DPY19L4: variants seen among roughly 807,000 people sequenced by gnomAD.
The protein encoded by DPY19L4 is probable C-mannosyltransferase DPY19L4.
Under a neutral mutation model 102.8 loss-of-function variants are expected in DPY19L4, and 97 were observed. That is an observed-to-expected ratio of 0.94 (90% CI 0.80 to 1.12). The LOEUF is 1.12. Among genes scored for constraint, DPY19L4 ranks in the 50% most tolerant of loss-of-function variants. The pLI is 0.00. For missense variants in DPY19L4, 815 were observed against 850.4 expected, an observed-to-expected ratio of 0.96 and a Z score of 0.52; for synonymous variants, 252 against 283.1, an observed-to-expected ratio of 0.89 and a Z score of 1.10.
chr8:94,744,530 T>C (rs751805087), intron 6 of DPY19L4: 3 of 456,694 alleles, frequency 6.6e-6, no homozygotes, highest in South Asian at 3.1e-5. Context: ...ACACAGGATA[T>C]TAATACCAGG....
intron 2 of DPY19L4, among the ~76,000 whole-genome samples, chr8:94,729,475 T>C (rs1810841244): frequency 6.6e-6 from 1 of 151,280 alleles, no homozygotes; most frequent in Non-Finnish European, 1.5e-5. Context: ...GGTGTGCCCC[T>C]GTAGTCCCAG....
intron 6 of DPY19L4, among the ~76,000 whole-genome samples, chr8:94,753,375 G>A (rs1266945785): frequency 1.3e-5 from 2 of 152,134 alleles, no homozygotes. Flanking sequence ...ATAGGGCAAC[G>A]GAGATCCTTG....
chr8:94,764,689 G>GTATATATA (rs1189470959), intron 8 of DPY19L4, among the ~76,000 whole-genome samples: 33 of 43,212 alleles, frequency 7.6e-4, no homozygotes, highest in Non-Finnish European at 9.9e-4. Flanking sequence ...GTCTGTGTGT[G>GTATATATA]TATATATATA....
chr8:94,765,253 C>G lies in DPY19L4; in HGVS notation c.941C>G (p.Ala314Gly), dbSNP rs977914403. The G allele has an allele frequency of 6.2e-7, 1 of 1,609,948 alleles. No individual in the cohort carries two copies. The highest frequency in any genetic ancestry group is 8.5e-7 in the Non-Finnish European group (1 of 1,178,966). Residue 314 changes from alanine (A) to glycine (G), a missense_variant, in exon 9 of 19, where the codon GCT becomes GGT. By Grantham distance (60) the Ala-to-Gly change is moderately conservative (BLOSUM62 0). Transcript: ENST00000414645. ...LGYLLQFENP[A>G]LLVSPLLSLV... ...TATTTACTACAGTTTGAGAATCCAG[C>G]TTTGTTGGTATCTCCTTTATTAAGT...
At chr8:94,779,110 A>G (rs1453748190) in intron 14 of DPY19L4, among the ~76,000 whole-genome samples, 1 of 152,068 alleles carries the variant, frequency 6.6e-6, no homozygotes, top group Admixed American at 6.6e-5. Context: ...AGGAGGCCAG[A>G]GTGGCTAGAA....
intron 15 of DPY19L4, 111 bp downstream of exon 15, chr8:94,780,526 A>G (rs1022140454): frequency 7.3e-6 from 5 of 683,052 alleles, no homozygotes; most frequent in Non-Finnish European, 6.3e-6. Flanking sequence ...AACAAAATAA[A>G]ATGTAACATT....
At chr8:94,733,728 G>T (rs752053544) in intron 2 of DPY19L4, among the ~76,000 whole-genome samples, 5 of 151,792 alleles carry the variant, frequency 3.3e-5, no homozygotes, top group Admixed American at 6.6e-5. Context: ...TTTTAGTACA[G>T]ACAGGGTTTC....
chr8:94,768,353 A>C, intron 11 of DPY19L4, 42 bp from the exon 12 acceptor site: 4 of 1,501,780 alleles, frequency 2.7e-6, no homozygotes, highest in Non-Finnish European at 3.6e-6. Context: ...GTTCAGTTTA[A>C]AACGTCTATG....
chr8:94,759,528 C>T (rs572060604), intron 7 of DPY19L4, among the ~76,000 whole-genome samples: 9 of 71,736 alleles, frequency 1.3e-4, no homozygotes, highest in East Asian at 7.2e-4. Context: ...TTTTTTGAGA[C>T]GGAGTTTTGC....
chr8:94,750,443 A>T (rs6990721), intron 6 of DPY19L4, among the ~76,000 whole-genome samples: 1 of 152,160 alleles, frequency 6.6e-6, no homozygotes, highest in African/African-American at 2.4e-5. Flanking sequence ...ATTAGAAAAG[A>T]GCTAAGATTT....
At chr8:94,761,959 G>C in intron 8 of DPY19L4, 125 bp downstream of exon 8, 1 of 988,802 alleles carries the variant, frequency 1.0e-6, no homozygotes, top group South Asian at 3.2e-5. Context: ...CAATATTTAA[G>C]TTATTTGGAC....
At chr8:94,763,072 C>T (rs1812465824) in intron 8 of DPY19L4, among the ~76,000 whole-genome samples, 1 of 151,536 alleles carries the variant, frequency 6.6e-6, no homozygotes, top group South Asian at 2.1e-4. Context: ...CCTTAGCCTC[C>T]CGAGTAGCTG....
At chr8:94,721,679 A>G (rs573025246) in intron 1 of DPY19L4, among the ~76,000 whole-genome samples, 2 of 152,392 alleles carry the variant, frequency 1.3e-5, no homozygotes, top group Non-Finnish European at 2.9e-5. Flanking sequence ...TTAAAAAATC[A>G]GTACTACAAT....
intron 13 of DPY19L4, among the ~76,000 whole-genome samples, chr8:94,774,833 C>T (rs1175618867): frequency 2.6e-5 from 4 of 151,820 alleles, no homozygotes; most frequent in Non-Finnish European, 5.9e-5. Flanking sequence ...CGCCTCGGCC[C>T]CCCAAAGTGC....
chr8:94,752,685 G>C (rs1379757579), intron 6 of DPY19L4, among the ~76,000 whole-genome samples: 2 of 139,712 alleles, frequency 1.4e-5, no homozygotes, highest in Admixed American at 1.5e-4. Flanking sequence ...TTTTTTGTGT[G>C]ATGGAGTCTC....
At chr8:94,725,465 G>C (rs1810645888) in intron 1 of DPY19L4, among the ~76,000 whole-genome samples, 1 of 152,100 alleles carries the variant, frequency 6.6e-6, no homozygotes, top group African/African-American at 2.4e-5. Flanking sequence ...GTCTAATCCT[G>C]GGAAATTATT....
In DPY19L4 at chr8:94,790,078, G is replaced by A; in HGVS notation, c.*168G>A. 5.0e-6 allele frequency: 3 copies of A among 598,844 alleles called. No homozygotes were observed. The South Asian group carries it at 7.3e-5, about 14-fold the overall frequency. The allele number at this position is 598,844 out of a possible 1,614,324, so 37.1% of individuals were successfully genotyped here. ...AGTTCTGTGGGAAATAGAAGATCAA[G>A]CATTACTGTCCTTTGATTAAATGTG... On this transcript the variant is annotated 3_prime_UTR_variant, in exon 19 of 19. Coordinates refer to ENST00000414645, the MANE Select transcript of DPY19L4 (RefSeq NM_181787.3).
intron 2 of DPY19L4, among the ~76,000 whole-genome samples, chr8:94,728,722 A>G (rs897340015): frequency 1.3e-5 from 2 of 152,230 alleles, no homozygotes; most frequent in Admixed American, 1.3e-4. Flanking sequence ...CATTTTAGGT[A>G]ATGAGATTGC....
intron 12 of DPY19L4, among the ~76,000 whole-genome samples, chr8:94,769,669 T>G (rs1294569391): frequency 1.3e-5 from 2 of 151,534 alleles, no homozygotes; most frequent in Admixed American, 6.6e-5. Flanking sequence ...CTGGGCAACA[T>G]AGTGAGACCC....
Sources: allele counts gnomAD v4.1 joint callset (sites outside exome capture counted in the v4.1 genomes callset), GRCh38; gene constraint gnomAD v4.1.1; transcripts MANE v1.5; gene names NCBI Gene and HGNC (gene_info 2026-07-23, HGNC 2026-07-21).